The following CHP1 variants were observed in gnomAD, a reference collection of about 807,000 sequenced individuals.
CHP1 encodes calcineurin like EF-hand protein 1.
In CHP1, 11 loss-of-function variants were observed where a neutral mutation model predicts 27.4. The observed-to-expected ratio is 0.40, with a 90% CI of 0.25 to 0.67. CHP1 has a LOEUF of 0.67. Ranked by LOEUF, CHP1 falls within the 30% of genes least tolerant of loss-of-function variation. The pLI, the probability that CHP1 is intolerant of heterozygous loss-of-function variation, is 0.38. For synonymous variants in CHP1, 89 were observed against 87.4 expected, an observed-to-expected ratio of 1.02 and a Z score of -0.10; for missense variants, 169 against 251.3, an observed-to-expected ratio of 0.67 and a Z score of 2.22.
At chr15:41,278,102 G>T (rs1414563449) in intron 5 of CHP1, among the ~76,000 whole-genome samples, 1 of 152,078 alleles carries the variant, frequency 6.6e-6, no homozygotes, top group African/African-American at 2.4e-5. Context: ...GCCGAGGTGA[G>T]CGGATCACGA....
At chr15:41,233,791 G>A (rs549251720) in intron 1 of CHP1, among the ~76,000 whole-genome samples, 3 of 152,236 alleles carry the variant, frequency 2.0e-5, no homozygotes, top group South Asian at 2.1e-4. Flanking sequence ...ATTGGGCCTT[G>A]ATACATGGGT....
In CHP1 at chr15:41,278,800, G is replaced by T. The variant is rs1341671112; in HGVS notation, c.445G>T (p.Asp149Tyr). Residue 149 changes from aspartate (D) to tyrosine (Y), a missense_variant, in exon 6 of 7, where the codon GAT (aspartate) becomes TAT (tyrosine). Transcript: ENST00000334660. ...CATGATGGTCGGAGTAAATATCTCA[G>T]ATGAGCAGCTGGGCAGCATCGCAGA... ...LRMMVGVNIS[D>Y]EQLGSIADRT... The T allele has an allele frequency of 5.0e-6, 8 of 1,614,174 alleles. No individual in the cohort carries two copies. The highest frequency in any genetic ancestry group is 6.8e-6 in the Non-Finnish European group (8 of 1,180,022).
chr15:41,253,844 A>T (rs985718101), intron 2 of CHP1, among the ~76,000 whole-genome samples: 5 of 151,662 alleles, frequency 3.3e-5, no homozygotes, highest in African/African-American at 1.2e-4. Context: ...GAGGGCAGTG[A>T]TGTTACCATG....
At chr15:41,262,983 T>A in intron 4 of CHP1, 100 bp downstream of exon 4, 1 of 1,467,614 alleles carries the variant, frequency 6.8e-7, no homozygotes, top group Non-Finnish European at 9.3e-7. Context: ...TACAAGAGCA[T>A]ACTGGTTAAG....
intron 5 of CHP1, among the ~76,000 whole-genome samples, chr15:41,277,465 G>A (rs2047524782): frequency 2.0e-5 from 3 of 151,970 alleles, no homozygotes; most frequent in Admixed American, 2.0e-4. Flanking sequence ...GCAACACAGT[G>A]AGACCTCATT....
chr15:41,250,090 TAAAA>T (rs77882380), intron 2 of CHP1, among the ~76,000 whole-genome samples: 3 of 127,250 alleles, frequency 2.4e-5, no homozygotes, highest in Non-Finnish European at 3.4e-5. Flanking sequence ...GGTGTTATGT[TAAAA>T]AAAAAAAAAA....
intron 5 of CHP1, among the ~76,000 whole-genome samples, chr15:41,275,339 G>A (rs774382156): frequency 6.6e-6 from 1 of 151,736 alleles, no homozygotes; most frequent in Non-Finnish European, 1.5e-5. Context: ...ATTTGTAGTA[G>A]AGATGGGGTT....
intron 1 of CHP1, among the ~76,000 whole-genome samples, chr15:41,234,409 C>G (rs2047266932): frequency 6.6e-6 from 1 of 152,140 alleles, no homozygotes; most frequent in Admixed American, 6.6e-5. Flanking sequence ...ATCAGAAGCA[C>G]TTTAAGAACA....
In CHP1 at chr15:41,281,307, C is replaced by T. The variant is rs555328613; in HGVS notation, c.*1918C>T. The T allele has an allele frequency of 1.1e-3, 167 of 152,690 alleles. 1 individual carries two copies. Among genetic ancestry groups the T allele is most frequent in the Non-Finnish European group, 3.8e-4 (26 of 68,030 alleles). 9.5% of individuals were successfully genotyped at this position (152,690 alleles called of 1,614,324 possible). On this transcript the variant is annotated 3_prime_UTR_variant, in exon 7 of 7. Transcript: ENST00000334660. ...GCTTCTTGTTTAGACCACTGCTAAT[C>T]CCTTAAAAACAAGAGGTCTGGCACT...
rs536829343 is a variant in CHP1, at chr15:41,234,806, G to C, written c.67+3357G>C. Among the ~76,000 whole-genome samples the C allele has an allele frequency of 2.0e-5, 3 of 152,242 alleles. No homozygotes were observed. The East Asian group carries it at 5.8e-4, about 29-fold the overall frequency. ...GTGAGTGTTATTATTTTGAACCATA[G>C]TTAACAATCGTCTTATTGGGAAAAT... On this transcript the variant is annotated intron_variant, in intron 1 of 6. Transcript: ENST00000334660.
intron 1 of CHP1, among the ~76,000 whole-genome samples, chr15:41,243,234 G>C (rs575212086): frequency 6.6e-6 from 1 of 152,108 alleles, no homozygotes; most frequent in African/African-American, 2.4e-5. Flanking sequence ...CCAGCTACTC[G>C]GGAGGCTGAG....
intron 1 of CHP1, among the ~76,000 whole-genome samples, chr15:41,232,251 A>G (rs2047251470): frequency 6.7e-6 from 1 of 148,332 alleles, no homozygotes; most frequent in Non-Finnish European, 1.5e-5. Flanking sequence ...CCCTCTGTCA[A>G]CCAGGCTGGA....
intron 2 of CHP1, among the ~76,000 whole-genome samples, chr15:41,253,380 A>G (rs1282467069): frequency 6.6e-6 from 1 of 152,094 alleles, no homozygotes; most frequent in African/African-American, 2.4e-5. Flanking sequence ...AGCAACCAGT[A>G]ATAATAACTT....
chr15:41,247,205 C>A (rs763606894), intron 2 of CHP1, among the ~76,000 whole-genome samples: 1 of 151,284 alleles, frequency 6.6e-6, no homozygotes. Flanking sequence ...ACCATCTTTA[C>A]GAAAAATACA....
At chr15:41,267,158 G>A (rs1022126018) in intron 4 of CHP1, among the ~76,000 whole-genome samples, 10 of 152,232 alleles carry the variant, frequency 6.6e-5, no homozygotes, top group East Asian at 5.8e-4. Flanking sequence ...AAAGTAGAAC[G>A]GTGGTTGCCC....
chr15:41,236,109 C>A (rs1306833074), intron 1 of CHP1, among the ~76,000 whole-genome samples: 1 of 148,052 alleles, frequency 6.8e-6, no homozygotes, highest in Non-Finnish European at 1.5e-5. Context: ...GACAGGGTCT[C>A]ACTCTGTTGC....
At chr15:41,279,262 C>G in intron 6 of CHP1, 74 bp from the exon 7 acceptor site, 10 of 1,173,994 alleles carry the variant, frequency 8.5e-6, no homozygotes, top group Non-Finnish European at 1.0e-5. Flanking sequence ...GGGGGGAAAA[C>G]ATTACTCAGA....
At position 41,256,891 on chromosome 15, in the gene CHP1, A is replaced by G. The variant is rs768999111; in HGVS notation, c.141-19A>G. 1.2e-6 allele frequency: 2 copies of G among 1,611,176 alleles called. No homozygotes were observed. The highest frequency in any genetic ancestry group is 1.1e-5 in the South Asian group (1 of 91,034). The stretch of plus-strand genomic sequence containing the variant: ...AAGGGCAATGATCTCTATCTAACTC[A>G]AGGTGATTCTCTTGGCAGCCGGGAA... On this transcript the variant is annotated intron_variant, in intron 2 of 6. Coordinates refer to ENST00000334660, the MANE Select transcript of CHP1 (RefSeq NM_007236.5).
At chr15:41,279,254 G>A in intron 6 of CHP1, 82 bp from the exon 7 acceptor site, 1 of 1,150,620 alleles carries the variant, frequency 8.7e-7, no homozygotes, top group Non-Finnish European at 1.3e-6. Flanking sequence ...AGGAGGAAGG[G>A]GGGAAAACAT....
Sources: allele counts gnomAD v4.1 joint callset (sites outside exome capture counted in the v4.1 genomes callset), GRCh38; gene constraint gnomAD v4.1.1; transcripts MANE v1.5; gene names NCBI Gene and HGNC (gene_info 2026-07-23, HGNC 2026-07-21).